Variants in TAOK1 observed in about 807,000 individuals in gnomAD.
The protein encoded by TAOK1 is serine/threonine-protein kinase TAO1.
A neutral mutation model predicts 138.3 loss-of-function variants in TAOK1; 21 were observed. The ratio of observed to expected loss-of-function variants is 0.15; its 90% CI spans 0.11 to 0.22. The LOEUF is 0.22. Among genes scored for constraint, TAOK1 ranks in the 10% least tolerant of loss-of-function variants. The probability of loss-of-function intolerance (pLI) is 1.00; values close to 1 mark genes in which losing one functional copy is unlikely to be tolerated. For synonymous variants in TAOK1, 361 were observed against 398.4 expected, an observed-to-expected ratio of 0.91 and a Z score of 1.12; for missense variants, 651 against 1,227.7, an observed-to-expected ratio of 0.53 and a Z score of 7.02.
rs186257967 is a variant in TAOK1, at chr17:29,545,352, A to G, written c.*2330A>G. 1 of 152,314 alleles carries G rather than the reference A, an allele frequency of 6.6e-6. No individual in the cohort carries two copies. The highest frequency in any genetic ancestry group is 1.5e-5 in the Non-Finnish European group (1 of 68,010). 9.4% of individuals were successfully genotyped at this position (152,314 alleles called of 1,614,324 possible). ...TGATACCCTTAAAAATTATTCATAGATCTGGCTGCTCTGTACTACTGGATG... is the reference window on the plus strand; with the variant it reads ...TGATACCCTTAAAAATTATTCATAGGTCTGGCTGCTCTGTACTACTGGATG... On this transcript the variant is annotated 3_prime_UTR_variant, in exon 20 of 20. Transcript: ENST00000261716.
intron 12 of TAOK1, among the ~76,000 whole-genome samples, chr17:29,502,043 C>A (rs2031540140): frequency 6.6e-6 from 1 of 152,132 alleles, no homozygotes; most frequent in South Asian, 2.1e-4. Flanking sequence ...CTGTCTCAAA[C>A]AACAAACAAA....
intron 1 of TAOK1, among the ~76,000 whole-genome samples, chr17:29,440,837 C>T (rs2029921670): frequency 6.6e-6 from 1 of 152,084 alleles, no homozygotes; most frequent in South Asian, 2.1e-4. Context: ...TGGCCTCCTA[C>T]AGTGCTGGGA....
chr17:29,461,312 G>A (rs940743179), intron 2 of TAOK1, among the ~76,000 whole-genome samples: 1 of 152,150 alleles, frequency 6.6e-6, no homozygotes, highest in African/African-American at 2.4e-5. Context: ...TTATTCATGA[G>A]AATGTTCTTG....
chr17:29,532,280 T>C (rs2032129671), intron 18 of TAOK1, among the ~76,000 whole-genome samples: 1 of 152,198 alleles, frequency 6.6e-6, no homozygotes, highest in African/African-American at 2.4e-5. Flanking sequence ...CTTTGTTCTA[T>C]AGTTATTTCC....
chr17:29,451,804 AAG>A (rs2030245213), intron 2 of TAOK1, 124 bp downstream of exon 2: 7 of 1,174,744 alleles, frequency 6.0e-6, no homozygotes, highest in Admixed American at 2.5e-5. Context: ...GCATAGGGGG[AAG>A]AGAGAGAGCG....
intron 4 of TAOK1, 101 bp downstream of exon 4, chr17:29,475,872 C>A: frequency 1.2e-6 from 1 of 840,528 alleles, no homozygotes; most frequent in Admixed American, 2.3e-5. Context: ...CATGCAAAAA[C>A]ACCTGAAATG....
chr17:29,494,751 G>A (rs188158976), intron 10 of TAOK1, among the ~76,000 whole-genome samples: 79 of 151,086 alleles, frequency 5.2e-4, no homozygotes, highest in Admixed American at 1.4e-3. Flanking sequence ...GTGTGAACCC[G>A]GGAGGCAGAG....
chr17:29,472,453 A>G (rs953087552), intron 3 of TAOK1, among the ~76,000 whole-genome samples: 15 of 151,784 alleles, frequency 9.9e-5, no homozygotes, highest in African/African-American at 3.6e-4. Context: ...GGGTTTTGCC[A>G]TGTTGGCCAG....
chr17:29,462,068 T>C (rs1372248990), intron 2 of TAOK1, among the ~76,000 whole-genome samples: 1 of 152,214 alleles, frequency 6.6e-6, no homozygotes, highest in Non-Finnish European at 1.5e-5. Flanking sequence ...CATGACAGGA[T>C]GAAATGTGCA....
chr17:29,414,150 T>C (rs1026566873), intron 1 of TAOK1, among the ~76,000 whole-genome samples: 13 of 152,314 alleles, frequency 8.5e-5, no homozygotes, highest in African/African-American at 2.6e-4. Flanking sequence ...CCCAAAGTGC[T>C]GGGATTACAG....
chr17:29,405,780 G>GA (rs775328811), intron 1 of TAOK1, among the ~76,000 whole-genome samples: 2 of 150,018 alleles, frequency 1.3e-5, no homozygotes, highest in Admixed American at 6.7e-5. Context: ...CTCCATCTCA[G>GA]AAAAAAAAAG....
chr17:29,449,442 CAT>C (rs1318611660), intron 1 of TAOK1, among the ~76,000 whole-genome samples: 1 of 152,146 alleles, frequency 6.6e-6, no homozygotes, highest in Non-Finnish European at 1.5e-5. Flanking sequence ...GTACAAAAGA[CAT>C]ATAAATGTAT....
intron 12 of TAOK1, among the ~76,000 whole-genome samples, chr17:29,499,824 G>C (rs1016929998): frequency 6.6e-6 from 1 of 152,096 alleles, no homozygotes; most frequent in Non-Finnish European, 1.5e-5. Context: ...GCCTCCCAAA[G>C]TACAGGGATT....
At position 29,409,333 on chromosome 17, in the gene TAOK1, ATTT is replaced by A. The variant is rs869195465; in HGVS notation, c.-95+18326_-95+18328del. ...CATATATATATATATATATATATATATTTTTTTTTTTTTTTTTTTGAGATGGAG... is the reference window on the plus strand; with the variant it reads ...CATATATATATATATATATATATATATTTTTTTTTTTTTTTTGAGATGGAG... On this transcript the variant is annotated intron_variant, in intron 1 of 19. Coordinates refer to ENST00000261716, the MANE Select transcript of TAOK1 (RefSeq NM_020791.4). Among the ~76,000 whole-genome samples, 581 of 58,846 alleles carry A rather than the reference ATTT, an allele frequency of 9.9e-3. 2 individuals are homozygous for A. The highest frequency in any genetic ancestry group is 0.019 in the Middle Eastern group (1 of 52). The allele number at this position is 58,846 out of a possible 152,430, so 38.6% of individuals were successfully genotyped here. A position where few individuals can be genotyped will look rare whatever the true frequency, so the allele number is the denominator to read the frequency against.
intron 18 of TAOK1, among the ~76,000 whole-genome samples, chr17:29,532,998 ACCTCCAACCGGGCGGGGGGCTGACCCC>A (rs2032150593): frequency 5.1e-4 from 1 of 1,962 alleles, no homozygotes; most frequent in Non-Finnish European, 9.2e-4. Context: ...TGACCCCCCC[ACCTCCAACCGGGCGGGGGGCTGACCCC>A]CACCTCCCTC....
rs1219479194 is a variant in TAOK1, at chr17:29,397,680, T to TATATTAATGTATG, written c.-95+6659_-95+6660insTTAATGTATGATA. 2.8e-5 allele frequency among the ~76,000 whole-genome samples: 4 copies of TATATTAATGTATG among 143,792 alleles called. No homozygotes were observed. The East Asian group carries it at 6.5e-4, about 23-fold the overall frequency. 94.3% of individuals were successfully genotyped at this position (143,792 alleles called of 152,430 possible). A position where few individuals can be genotyped will look rare whatever the true frequency, so the allele number is the denominator to read the frequency against. On this transcript the variant is annotated intron_variant, in intron 1 of 19. Coordinates refer to ENST00000261716, the MANE Select transcript of TAOK1 (RefSeq NM_020791.4). ...TTCATGTATGATACATGTATACATG[T>TATATTAATGTATG]ATACATGTATATTCATGTATGCATA...
At chr17:29,418,438 C>T (rs140993503) in intron 1 of TAOK1, among the ~76,000 whole-genome samples, 53 of 151,906 alleles carry the variant, frequency 3.5e-4, no homozygotes, top group Middle Eastern at 6.8e-3. Flanking sequence ...CTCCTGACCT[C>T]AAGTGATCCT....
chr17:29,455,462 C>T (rs766076207), intron 2 of TAOK1, among the ~76,000 whole-genome samples: 1 of 150,382 alleles, frequency 6.6e-6, no homozygotes, highest in Admixed American at 6.6e-5. Context: ...GAATGGCTTT[C>T]GTTTTTCCTG....
In TAOK1 at chr17:29,508,120, C is replaced by A; in HGVS notation, c.1563C>A (p.Ala521=). 1 of 1,613,824 alleles carries A rather than the reference C, an allele frequency of 6.2e-7. No homozygotes were observed. The highest frequency in any genetic ancestry group is 8.5e-7 in the Non-Finnish European group (1 of 1,179,824). The change falls in exon 14 of 20, where the codon GCC becomes GCA. Residue 521 remains alanine (A), a synonymous_variant. Transcript: ENST00000261716. ...MEKLIKKHQA[A]MEKEAKVMSN... is the part of the protein sequence containing the mutation. ...AACTTATCAAGAAACACCAGGCTGC[C>A]ATGGAGAAAGAGGTGGCTTATTCAG...
Sources: gnomAD v4.1 joint callset for allele counts (sites outside exome capture counted in the v4.1 genomes callset) on GRCh38, gnomAD v4.1.1 for gene constraint, MANE v1.5 for transcripts, NCBI Gene and HGNC (gene_info 2026-07-23, HGNC 2026-07-21) for gene names.